PRAG1: variants seen among roughly 807,000 people sequenced by gnomAD.
The protein encoded by PRAG1 is PEAK1 related, kinase-activating pseudokinase 1.
In PRAG1, 110 loss-of-function variants were observed where a neutral mutation model predicts 95.6. That is an observed-to-expected ratio of 1.15 (90% CI 0.99 to 1.35). The LOEUF is 1.35. Ranked by LOEUF, PRAG1 falls within the 40% of genes most tolerant of loss-of-function variation. PRAG1 has a pLI of 0.00. For missense variants in PRAG1, 2,554 were observed against 1,864.7 expected (o/e 1.37, Z -6.81); for synonymous variants, 1,052 against 819.4 (o/e 1.28, Z -4.85).
At chr8:8,363,989 A>G (rs920473232) in intron 3 of PRAG1, among the ~76,000 whole-genome samples, 6 of 152,104 alleles carry the variant, frequency 3.9e-5, no homozygotes, top group African/African-American at 1.2e-4. Context: ...TTACTTACCT[A>G]TTTCTCTAGA....
rs746432136 is a variant in PRAG1, at chr8:8,318,407, C to T, written c.3968G>A (p.Arg1323His). 10 of 1,613,234 alleles carry T rather than the reference C, an allele frequency of 6.2e-6. No individual in the cohort carries two copies. The highest frequency in any genetic ancestry group is 1.7e-5 in the Admixed American group (1 of 59,996). The stretch of plus-strand genomic sequence containing the variant: ...CCCCCACAGCAGGCACTGCAGCACG[C>T]GCTTGGCCTCGCCGATGCGGATACG... The part of the protein sequence containing the change: ...IKRIRIGEAK[R>H]VLQCLLWGPR... The change falls in exon 6 of 6, where the codon CGC becomes CAC. Residue 1323 changes from arginine to histidine, a missense_variant. Coordinates refer to ENST00000615670, the MANE Select transcript of PRAG1 (RefSeq NM_001080826.3). This position sits in a 1 kb window ranked among gnomAD's most constrained non-coding sequence, Gnocchi z 4.2.
chr8:8,384,990 C>T (rs145468784), intron 1 of PRAG1, among the ~76,000 whole-genome samples: 745 of 152,332 alleles, frequency 4.9e-3, no homozygotes, highest in Middle Eastern at 0.017. Context: ...GTCAGATACA[C>T]TCCCACCCCA....
At chr8:8,337,126 A>G (rs1799014882) in intron 4 of PRAG1, among the ~76,000 whole-genome samples, 1 of 152,196 alleles carries the variant, frequency 6.6e-6, no homozygotes, top group Non-Finnish European at 1.5e-5. Flanking sequence ...AATGTAGAAG[A>G]GTCTAATGGT....
At chr8:8,360,950 C>T (rs139465645) in intron 3 of PRAG1, among the ~76,000 whole-genome samples, 4,173 of 152,236 alleles carry the variant, frequency 0.027, 99 homozygotes, top group Middle Eastern at 0.051. Context: ...TGTTCACATT[C>T]CCAAATTGCC....
Position 8,318,618 on chromosome 8 carries a change from C to T in PRAG1, c.3757G>A (p.Asp1253Asn). ...ATGAGGATGCCTGTCTGGAACTCAT[C>T]GAACTTGCGGTACTGGGAAGCAGAC... ...IVSASQYRKF[D>N]EFQTGILIYE... The change falls in exon 6 of 6, where the codon GAT becomes AAT. Residue 1253 changes from aspartate to asparagine, a missense_variant. Asp to Asn is a conservative substitution (Grantham distance 23). Transcript: ENST00000615670. The surrounding 1 kb of genome is among the most constrained non-coding windows in gnomAD (Gnocchi z 4.2). The T allele has an allele frequency of 6.2e-7, 1 of 1,612,784 alleles. No homozygotes were observed. The highest frequency in any genetic ancestry group is 8.5e-7 in the Non-Finnish European group (1 of 1,179,826).
Position 8,357,092 on chromosome 8 carries a change from A to G in PRAG1, c.2163-17457T>C, listed in dbSNP as rs146021327. Among the ~76,000 whole-genome samples the G allele has an allele frequency of 3.5e-3, 532 of 152,340 alleles. 2 individuals carry two copies. The highest frequency in any genetic ancestry group is 0.012 in the African/African-American group (509 of 41,584). On this transcript the variant is annotated intron_variant, in intron 3 of 5. Transcript: ENST00000615670. ...ACTATAAAATTCCTCGTGGAAAACAAAAAGAAAAAAACTTAATGACATTGG... is the reference window on the plus strand; with the variant it reads ...ACTATAAAATTCCTCGTGGAAAACAGAAAGAAAAAAACTTAATGACATTGG...
chr8:8,359,917 C>A (rs1330646757), intron 3 of PRAG1, among the ~76,000 whole-genome samples: 1 of 152,130 alleles, frequency 6.6e-6, no homozygotes, highest in East Asian at 1.9e-4. Context: ...GTATACAAGT[C>A]GATTGATCTT....
chr8:8,378,079 C>T lies in PRAG1; in HGVS notation c.331-1G>A. ...TGCCAGGGGCTCGTCTCCAGATGACCTACACACAAGCCCAACGCAAAAAGA... is the reference window on the plus strand; with the variant it reads ...TGCCAGGGGCTCGTCTCCAGATGACTTACACACAAGCCCAACGCAAAAAGA... On this transcript the variant is annotated splice_acceptor_variant, in intron 2 of 5. Transcript: ENST00000615670. LOFTEE classifies it high-confidence loss of function. 1 of 1,524,982 alleles carries T rather than the reference C, an allele frequency of 6.6e-7. No homozygotes were observed. Among genetic ancestry groups the T allele is most frequent in the Non-Finnish European group, 8.8e-7 (1 of 1,140,002 alleles). 94.5% of individuals were successfully genotyped at this position (1,524,982 alleles called of 1,614,324 possible).
intron 3 of PRAG1, among the ~76,000 whole-genome samples, chr8:8,373,976 A>G (rs1800297885): frequency 6.6e-6 from 1 of 152,168 alleles, no homozygotes; most frequent in South Asian, 2.1e-4. Context: ...AGATTCTTAA[A>G]GGAGTAAATT....
At chr8:8,372,340 G>A (rs1336756047) in intron 3 of PRAG1, among the ~76,000 whole-genome samples, 1 of 152,178 alleles carries the variant, frequency 6.6e-6, no homozygotes, top group African/African-American at 2.4e-5. Flanking sequence ...TAAGTCTTAA[G>A]CATGACATTT....
chr8:8,341,436 C>T (rs142180064), intron 3 of PRAG1, among the ~76,000 whole-genome samples: 1 of 152,308 alleles, frequency 6.6e-6, no homozygotes, highest in East Asian at 1.9e-4. Flanking sequence ...ACAGGCAGTA[C>T]AAGGGATCCT....
chr8:8,376,424 G>T lies in PRAG1; in HGVS notation c.1985C>A (p.Pro662His), dbSNP rs899249531. 2 of 1,614,138 alleles carry T rather than the reference G, an allele frequency of 1.2e-6. No individual in the cohort carries two copies. The highest frequency in any genetic ancestry group is 1.1e-5 in the South Asian group (1 of 91,076). ...HSWGRETKNG[P>H]TDHSNSTTWH... ...GGTCGTGGAGTTTGAATGGTCCGTG[G>T]GGCCATTTTTGGTCTCTCTTCCCCA... Residue 662 changes from proline to histidine, a missense_variant, in exon 3 of 6, where the codon CCC becomes CAC. Transcript: ENST00000615670.
At chr8:8,340,549 G>A (rs1477762215) in intron 3 of PRAG1, among the ~76,000 whole-genome samples, 6 of 152,168 alleles carry the variant, frequency 3.9e-5, no homozygotes, top group Non-Finnish European at 5.9e-5. Flanking sequence ...TTCCTTCTAC[G>A]GCAGATCCAT....
At chr8:8,372,298 G>A (rs771452417) in intron 3 of PRAG1, among the ~76,000 whole-genome samples, 15 of 152,200 alleles carry the variant, frequency 9.9e-5, no homozygotes, top group Non-Finnish European at 2.1e-4. Flanking sequence ...GGGATTATAG[G>A]TGTCAGCCAC....
intron 3 of PRAG1, among the ~76,000 whole-genome samples, chr8:8,354,542 G>A (rs926717700): frequency 6.6e-6 from 1 of 152,166 alleles, no homozygotes; most frequent in African/African-American, 2.4e-5. Flanking sequence ...ATAAAGTATT[G>A]CAGACTGAAT....
chr8:8,382,264 A>G (rs928514395), intron 1 of PRAG1, among the ~76,000 whole-genome samples: 1 of 152,240 alleles, frequency 6.6e-6, no homozygotes, highest in African/African-American at 2.4e-5. Flanking sequence ...CAAGCAGTAC[A>G]GCAAATAAAA....
intron 4 of PRAG1, among the ~76,000 whole-genome samples, chr8:8,329,029 G>A (rs1293418177): frequency 6.6e-6 from 1 of 151,990 alleles, no homozygotes; most frequent in Non-Finnish European, 1.5e-5. Context: ...TAACAAACTC[G>A]AACATGTGTG....
Position 8,318,104 on chromosome 8 carries a change from G to C in PRAG1, c.*50C>G, listed in dbSNP as rs1432869460. 4.5e-6 allele frequency: 7 copies of C among 1,541,108 alleles called. No homozygotes were observed. Among genetic ancestry groups the C allele is most frequent in the Non-Finnish European group, 5.2e-6 (6 of 1,144,762 alleles). On this transcript the variant is annotated 3_prime_UTR_variant, in exon 6 of 6. Coordinates refer to ENST00000615670, the MANE Select transcript of PRAG1 (RefSeq NM_001080826.3). This position sits in a 1 kb window ranked among gnomAD's most constrained non-coding sequence, Gnocchi z 4.2. ...CATGGGTGCTTCCAAGGCGAGACAG[G>C]AAAGGGTTAGGCAGGGAAGGGGCAG...
At position 8,318,552 on chromosome 8, in the gene PRAG1, C is replaced by G; in HGVS notation, c.3823G>C (p.Ala1275Pro). The change falls in exon 6 of 6, where the codon GCC becomes CCC. Residue 1275 changes from alanine (A) to proline (P), a missense_variant. Transcript: ENST00000615670. The surrounding 1 kb of genome is among the most constrained non-coding windows in gnomAD (Gnocchi z 4.2). ...CGGTAGTCTCTCTCCCGCAGCTGGG[C>G]GCGCACCTCGAACGGGTTGGGTTGG... ...LHQPNPFEVR[A>P]QLRERDYRQE... 1 of 1,613,564 alleles carries G rather than the reference C, an allele frequency of 6.2e-7. No homozygotes were observed. The highest frequency in any genetic ancestry group is 1.1e-5 in the South Asian group (1 of 91,076).
Sources: gnomAD v4.1 joint callset for allele counts (sites outside exome capture counted in the v4.1 genomes callset) on GRCh38, gnomAD v4.1.1 for gene constraint, Gnocchi (gnomAD v3.1) non-coding constraint, MANE v1.5 for transcripts, NCBI Gene and HGNC (gene_info 2026-07-23, HGNC 2026-07-21) for gene names.